C12orf56: variants seen among roughly 807,000 people sequenced by gnomAD.
C12orf56 encodes the protein uncharacterized protein C12orf56.
In C12orf56, 71 loss-of-function variants were observed where a neutral mutation model predicts 69.9. The ratio of observed to expected loss-of-function variants is 1.02; its 90% confidence interval spans 0.84 to 1.24. The LOEUF (loss-of-function observed/expected upper bound fraction) is 1.24, where lower values mean the gene tolerates loss of function less well. Ranked by LOEUF, C12orf56 falls within the 50% of genes most tolerant of loss-of-function variation. The pLI is 0.00. For synonymous variants in C12orf56, 276 were observed against 274.1 expected (o/e 1.01, Z -0.07); for missense variants, 732 against 738.5 (o/e 0.99, Z 0.10).
At chr12:64,379,962 G>T (rs1271138689) in intron 1 of C12orf56, among the ~76,000 whole-genome samples, 1 of 149,512 alleles carries the variant, frequency 6.7e-6, no homozygotes, top group Non-Finnish European at 1.5e-5. Context: ...GTCTCCGGGC[G>T]TGATGGCGGA....
chr12:64,265,108 C>T lies in C12orf56; in HGVS notation c.*2075G>A, dbSNP rs543410027. 6.6e-6 allele frequency: 1 copy of T among 152,260 alleles called. No homozygotes were observed. The highest frequency in any genetic ancestry group is 1.5e-5 in the Non-Finnish European group (1 of 68,090). 9.4% of individuals were successfully genotyped at this position (152,260 alleles called of 1,614,324 possible). ...GCTAAGGCAGAGCTGAGTTGATCCT[C>T]TCGTTGTCATCCTGCGGGTTCATCA... On this transcript the variant is annotated 3_prime_UTR_variant, in exon 13 of 13. Transcript: ENST00000543942.
chr12:64,274,792 G>T, intron 11 of C12orf56, 109 bp downstream of exon 11: 1 of 845,056 alleles, frequency 1.2e-6, no homozygotes, highest in Non-Finnish European at 1.8e-6. Flanking sequence ...GCTTCTGGTT[G>T]ATAAACTTGA....
chr12:64,388,249 GT>G (rs2039820287), intron 1 of C12orf56, among the ~76,000 whole-genome samples: 1 of 151,546 alleles, frequency 6.6e-6, no homozygotes, highest in Non-Finnish European at 1.5e-5. Context: ...CTTTTAAAGT[GT>G]TTTGTTTGTT....
rs762664621 is a variant in C12orf56, at chr12:64,313,274, A to AAAAAAGAAAGAAAGAAAGAAAG, written c.895-523_895-522insCTTTCTTTCTTTCTTTCTTTTT. ...GAGACTCTGTCTCAAAAAAAAAAAA[A>AAAAAAGAAAGAAAGAAAGAAAG]AAAGAAAGAAAGAAAGAAAGAAAGA... On this transcript the variant is annotated intron_variant, in intron 4 of 12. Coordinates refer to ENST00000543942, the MANE Select transcript of C12orf56 (RefSeq NM_001170633.2). Among the ~76,000 whole-genome samples the AAAAAAGAAAGAAAGAAAGAAAG allele has an allele frequency of 3.2e-3, 261 of 81,376 alleles. 1 individual carries two copies. Among genetic ancestry groups the AAAAAAGAAAGAAAGAAAGAAAG allele is most frequent in the African/African-American group, 5.0e-3 (107 of 21,266 alleles). 53.4% of individuals were successfully genotyped at this position (81,376 alleles called of 152,430 possible).
In C12orf56 at chr12:64,343,229, G is replaced by A. The variant is rs116911260; in HGVS notation, c.415+9665C>T. Among the ~76,000 whole-genome samples the A allele has an allele frequency of 3.9e-3, 593 of 152,260 alleles. 2 individuals carry two copies. The highest frequency in any genetic ancestry group is 0.02 in the Middle Eastern group (6 of 294). On this transcript the variant is annotated intron_variant, in intron 2 of 12. Coordinates refer to ENST00000543942, the MANE Select transcript of C12orf56 (RefSeq NM_001170633.2). ...AATTTTACCGAGGTAGAAGGTCCCT[G>A]AATTTTAGTCGGATTTTTTTCCTAT...
chr12:64,354,357 T>C (rs2039277255), intron 1 of C12orf56, among the ~76,000 whole-genome samples: 1 of 152,152 alleles, frequency 6.6e-6, no homozygotes, highest in African/African-American at 2.4e-5. Context: ...GGGGAATCAC[T>C]GGAGCCCAGG....
At chr12:64,387,338 A>G (rs1186768997) in intron 1 of C12orf56, among the ~76,000 whole-genome samples, 2 of 152,208 alleles carry the variant, frequency 1.3e-5, no homozygotes, top group Non-Finnish European at 2.9e-5. Flanking sequence ...TCAAGCTACC[A>G]ACAATGTTGA....
Position 64,357,140 on chromosome 12 carries a change from A to G in C12orf56, c.253-4084T>C, listed in dbSNP as rs554528211. ...AAACACACAAAAATGTGGTCTTTCA[A>G]CTTATGAAAAGAGGAGGCTGGAAAT... On this transcript the variant is annotated intron_variant, in intron 1 of 12. Transcript: ENST00000543942. 3.3e-5 allele frequency among the ~76,000 whole-genome samples: 5 copies of G among 152,034 alleles called. No individual in the cohort carries two copies. The South Asian group carries it at 8.3e-4, about 25-fold the overall frequency.
chr12:64,343,785 G>A (rs1180729189), intron 2 of C12orf56, among the ~76,000 whole-genome samples: 2 of 152,260 alleles, frequency 1.3e-5, no homozygotes, highest in African/African-American at 2.4e-5. Context: ...ATCCCTCCAG[G>A]GACACAATAT....
chr12:64,355,171 TC>T (rs1346081578), intron 1 of C12orf56, among the ~76,000 whole-genome samples: 2 of 152,048 alleles, frequency 1.3e-5, no homozygotes, highest in Non-Finnish European at 2.9e-5. Flanking sequence ...TAAAAATGTT[TC>T]CTGTGATCAT....
intron 1 of C12orf56, among the ~76,000 whole-genome samples, chr12:64,356,653 T>C (rs1592483861): frequency 6.6e-6 from 1 of 152,008 alleles, no homozygotes; most frequent in African/African-American, 2.4e-5. Flanking sequence ...TGACCAGGGG[T>C]GACTCAGGTC....
chr12:64,333,646 C>T (rs544344265), intron 2 of C12orf56, among the ~76,000 whole-genome samples: 2 of 152,256 alleles, frequency 1.3e-5, no homozygotes, highest in South Asian at 2.1e-4. Context: ...GGATTACAGG[C>T]GCTTGCCACC....
intron 1 of C12orf56, among the ~76,000 whole-genome samples, chr12:64,358,999 CA>C (rs2039361083): frequency 6.6e-6 from 1 of 152,040 alleles, no homozygotes; most frequent in Non-Finnish European, 1.5e-5. Context: ...GGCGCTTCAC[CA>C]GATTATTTTA....
intron 3 of C12orf56, among the ~76,000 whole-genome samples, chr12:64,328,691 AAAAAAAAAAAAAAAAATATATAT>A (rs1482326470): frequency 5.3e-5 from 1 of 18,818 alleles, no homozygotes; most frequent in African/African-American, 1.6e-4. Flanking sequence ...AAAAAAAAAA[AAAAAAAAAAAAAAAAATATATAT>A]ATATATATAT....
intron 3 of C12orf56, among the ~76,000 whole-genome samples, chr12:64,319,397 T>A (rs1020916007): frequency 6.6e-6 from 1 of 152,046 alleles, no homozygotes; most frequent in African/African-American, 2.4e-5. Context: ...AGAGGGGTTT[T>A]GTTTGTTTGT....
intron 3 of C12orf56, among the ~76,000 whole-genome samples, chr12:64,328,642 T>C (rs1321127979): frequency 8.2e-6 from 1 of 122,176 alleles, no homozygotes; most frequent in East Asian, 2.5e-4. Flanking sequence ...ATCGAGCCAC[T>C]GCACTCCAGC....
intron 1 of C12orf56, among the ~76,000 whole-genome samples, chr12:64,369,178 T>G (rs1300538533): frequency 4.0e-5 from 6 of 150,220 alleles, no homozygotes; most frequent in Non-Finnish European, 1.5e-5. Context: ...AAAAGAATAC[T>G]TAGGTAAAAA....
At chr12:64,385,470 G>C (rs2039777036) in intron 1 of C12orf56, among the ~76,000 whole-genome samples, 1 of 152,068 alleles carries the variant, frequency 6.6e-6, no homozygotes, top group Non-Finnish European at 1.5e-5. Flanking sequence ...AGTTAATCTG[G>C]CCTAACATGG....
At chr12:64,281,933 C>T (rs2038134122) in intron 8 of C12orf56, among the ~76,000 whole-genome samples, 1 of 151,666 alleles carries the variant, frequency 6.6e-6, no homozygotes, top group Non-Finnish European at 1.5e-5. Context: ...AAGGTAGAGA[C>T]CAAAAGGTGG....
Sources: gnomAD v4.1 joint callset for allele counts (sites outside exome capture counted in the v4.1 genomes callset) on GRCh38, gnomAD v4.1.1 for gene constraint, MANE v1.5 for transcripts, NCBI Gene and HGNC (gene_info 2026-07-23, HGNC 2026-07-21) for gene names.